GRIK1: variants seen among roughly 807,000 people sequenced by gnomAD.
GRIK1 encodes the protein glutamate receptor ionotropic, kainate 1.
GRIK1 carries 69 observed loss-of-function variants against 105.7 expected under a neutral mutation model. The ratio of observed to expected loss-of-function variants is 0.65; its 90% CI spans 0.54 to 0.80. The LOEUF (loss-of-function observed/expected upper bound fraction) is 0.80, where lower values mean the gene tolerates loss of function less well. GRIK1 is among the 30% of genes least tolerant of loss of function. GRIK1 has a pLI of 0.00. For synonymous variants in GRIK1, 438 were observed against 431.3 expected, an observed-to-expected ratio of 1.02 and a Z score of -0.19; for missense variants, 1,109 against 1,167.3, an observed-to-expected ratio of 0.95 and a Z score of 0.73.
chr21:29,701,871 G>T (rs1265902314), intron 1 of GRIK1, among the ~76,000 whole-genome samples: 1 of 152,218 alleles, frequency 6.6e-6, no homozygotes, highest in Non-Finnish European at 1.5e-5. Flanking sequence ...ATTTGCTGAT[G>T]ATGCATAAGT....
At chr21:29,791,529 T>C (rs1188164711) in intron 1 of GRIK1, among the ~76,000 whole-genome samples, 1 of 151,720 alleles carries the variant, frequency 6.6e-6, no homozygotes, top group Non-Finnish European at 1.5e-5. Context: ...ATTTAAATAG[T>C]ATAGTTTAGG....
At chr21:29,617,496 T>C (rs2061880860) in intron 7 of GRIK1, among the ~76,000 whole-genome samples, 1 of 152,236 alleles carries the variant, frequency 6.6e-6, no homozygotes, top group South Asian at 2.1e-4. Flanking sequence ...TCTTAAAAGA[T>C]GCATGTTATG....
intron 6 of GRIK1, among the ~76,000 whole-genome samples, chr21:29,650,357 G>A (rs1444878542): frequency 6.6e-6 from 1 of 152,284 alleles, no homozygotes; most frequent in East Asian, 1.9e-4. Context: ...TTACCTGCCT[G>A]CATTCCACAA....
chr21:29,720,285 C>T (rs1300359627), intron 1 of GRIK1, among the ~76,000 whole-genome samples: 1 of 152,036 alleles, frequency 6.6e-6, no homozygotes, highest in Non-Finnish European at 1.5e-5. Flanking sequence ...TTATTCTATG[C>T]TGTTTGCATC....
intron 10 of GRIK1, among the ~76,000 whole-genome samples, chr21:29,589,284 G>T (rs1181508377): frequency 6.6e-6 from 1 of 152,132 alleles, no homozygotes; most frequent in African/African-American, 2.4e-5. Context: ...GTGGGGCTGT[G>T]CGGGAATGGT....
At chr21:29,786,150 A>C (rs1384117563) in intron 1 of GRIK1, among the ~76,000 whole-genome samples, 1 of 152,110 alleles carries the variant, frequency 6.6e-6, no homozygotes, top group Non-Finnish European at 1.5e-5. Context: ...CACCATGCCC[A>C]GCTACTTTTT....
At chr21:29,596,969 CAA>C (rs1479171660) in intron 8 of GRIK1, among the ~76,000 whole-genome samples, 2 of 151,986 alleles carry the variant, frequency 1.3e-5, no homozygotes, top group African/African-American at 4.8e-5. Context: ...CACACACACA[CAA>C]ACACACACAC....
intron 11 of GRIK1, among the ~76,000 whole-genome samples, chr21:29,587,961 A>ATTTTTTTTT (rs1555842114): frequency 1.5e-4 from 12 of 81,822 alleles, no homozygotes; most frequent in Non-Finnish European, 2.4e-4. Context: ...AAACTTTAAA[A>ATTTTTTTTT]TTCTTTTTTT....
At chr21:29,605,423 T>A (rs113157644) in intron 7 of GRIK1, among the ~76,000 whole-genome samples, 14 of 152,330 alleles carry the variant, frequency 9.2e-5, no homozygotes, top group African/African-American at 3.4e-4. Flanking sequence ...TGCGTAGTAT[T>A]CCATGGTGTA....
At chr21:29,813,843 G>T (rs1248135742) in intron 1 of GRIK1, among the ~76,000 whole-genome samples, 1 of 150,962 alleles carries the variant, frequency 6.6e-6, no homozygotes, top group African/African-American at 2.4e-5. Context: ...GAGATCCACA[G>T]AAGTGAAGTG....
intron 3 of GRIK1, among the ~76,000 whole-genome samples, chr21:29,676,471 T>C (rs2063269083): frequency 6.6e-6 from 1 of 152,212 alleles, no homozygotes; most frequent in African/African-American, 2.4e-5. Context: ...CAGCAATCCA[T>C]CAGTCATTTC....
intron 1 of GRIK1, among the ~76,000 whole-genome samples, chr21:29,871,488 C>T (rs1306782781): frequency 2.0e-5 from 3 of 152,150 alleles, no homozygotes. Context: ...TAGAATCTGA[C>T]TGAGTTCGAC....
intron 3 of GRIK1, among the ~76,000 whole-genome samples, chr21:29,687,899 T>C (rs1184531182): frequency 6.6e-6 from 1 of 152,244 alleles, no homozygotes; most frequent in Admixed American, 6.5e-5. Context: ...TTTTAGATGG[T>C]CCAGCTTTGC....
At chr21:29,558,705 A>T (rs1415697288) in intron 15 of GRIK1, among the ~76,000 whole-genome samples, 1 of 147,512 alleles carries the variant, frequency 6.8e-6, no homozygotes, top group Non-Finnish European at 1.5e-5. Context: ...TATTATATGT[A>T]TATTTATATA....
chr21:29,618,669 A>C (rs1278285218), intron 7 of GRIK1, among the ~76,000 whole-genome samples: 1 of 152,236 alleles, frequency 6.6e-6, no homozygotes, highest in African/African-American at 2.4e-5. Context: ...GCACAATGGA[A>C]TACTACTCAG....
chr21:29,737,354 G>A (rs1341526762), intron 1 of GRIK1, among the ~76,000 whole-genome samples: 1 of 152,166 alleles, frequency 6.6e-6, no homozygotes, highest in African/African-American at 2.4e-5. Flanking sequence ...ATGTTTCAAA[G>A]CGCTCACTTT....
At chr21:29,777,974 T>C (rs1024797674) in intron 1 of GRIK1, among the ~76,000 whole-genome samples, 1 of 152,190 alleles carries the variant, frequency 6.6e-6, no homozygotes, top group African/African-American at 2.4e-5. Flanking sequence ...GTCAGTGATA[T>C]GCAGGCTGTG....
chr21:29,577,264 G>T (rs547629549), intron 13 of GRIK1, 83 bp from the exon 14 acceptor site: 293 of 753,914 alleles, frequency 3.9e-4, no homozygotes, highest in Non-Finnish European at 5.9e-4. Context: ...ATTCTAGGAA[G>T]ATCAACCTGT....
At chr21:29,587,302 T>G in intron 12 of GRIK1, 64 bp downstream of exon 12, 1 of 1,018,638 alleles carries the variant, frequency 9.8e-7, no homozygotes, top group Non-Finnish European at 1.5e-6. Context: ...TGTCTGCCTC[T>G]GGGACATACA....
Sources: gnomAD v4.1 joint callset for allele counts (sites outside exome capture counted in the v4.1 genomes callset) on GRCh38, gnomAD v4.1.1 for gene constraint, MANE v1.5 for transcripts, NCBI Gene and HGNC (gene_info 2026-07-23, HGNC 2026-07-21) for gene names.